TBC1D22A: variants seen among roughly 807,000 people sequenced by gnomAD.
TBC1D22A encodes putative GTPase activator.
TBC1D22A carries 38 observed loss-of-function variants against 60.2 expected under a neutral mutation model. That is an observed-to-expected ratio of 0.63 (90% CI 0.49 to 0.83). The LOEUF is 0.83. Ranked by LOEUF, TBC1D22A falls within the 40% of genes least tolerant of loss-of-function variation. The pLI is 0.00. For synonymous variants in TBC1D22A, 302 were observed against 281.7 expected (o/e 1.07, Z -0.72); for missense variants, 628 against 701.0 (o/e 0.90, Z 1.18).
At chr22:46,906,785 G>T (rs1308370276) in intron 7 of TBC1D22A, among the ~76,000 whole-genome samples, 1 of 147,210 alleles carries the variant, frequency 6.8e-6, no homozygotes, top group Non-Finnish European at 1.5e-5. Context: ...TGAACTGTGT[G>T]TGTGTGTGTG....
At chr22:47,166,725 G>C (rs1265072763) in intron 12 of TBC1D22A, among the ~76,000 whole-genome samples, 4 of 152,264 alleles carry the variant, frequency 2.6e-5, no homozygotes, top group Non-Finnish European at 5.9e-5. Context: ...GTGGGGCCCG[G>C]CATGAGGCAG....
At chr22:46,856,914 A>T (rs2087599580) in intron 4 of TBC1D22A, among the ~76,000 whole-genome samples, 2 of 152,362 alleles carry the variant, frequency 1.3e-5, no homozygotes, top group South Asian at 4.1e-4. Flanking sequence ...ACTGGCTCAG[A>T]GGGTGCAAGC....
At chr22:46,875,118 C>T (rs1015285320) in intron 4 of TBC1D22A, among the ~76,000 whole-genome samples, 26 of 152,122 alleles carry the variant, frequency 1.7e-4, no homozygotes, top group African/African-American at 6.0e-4. Context: ...GAGCGTTCAT[C>T]GCAGCCTATT....
At chr22:46,877,447 A>G (rs2067619078) in intron 4 of TBC1D22A, among the ~76,000 whole-genome samples, 1 of 152,202 alleles carries the variant, frequency 6.6e-6, no homozygotes, top group Admixed American at 6.5e-5. Flanking sequence ...CGAGGGAGAG[A>G]CACTGGGAAC....
intron 4 of TBC1D22A, among the ~76,000 whole-genome samples, chr22:46,844,791 C>T (rs1435240806): frequency 1.3e-5 from 2 of 152,160 alleles, no homozygotes; most frequent in South Asian, 2.1e-4. Context: ...CTGGCCTGGA[C>T]GTCTGAGCGG....
intron 8 of TBC1D22A, among the ~76,000 whole-genome samples, chr22:46,943,217 G>A (rs904610104): frequency 2.0e-5 from 3 of 152,090 alleles, no homozygotes; most frequent in African/African-American, 7.2e-5. Flanking sequence ...CAGCCTCCCC[G>A]CGGCATCCAT....
At chr22:46,907,585 C>T (rs1346074536) in intron 7 of TBC1D22A, among the ~76,000 whole-genome samples, 6 of 152,144 alleles carry the variant, frequency 3.9e-5, no homozygotes, top group Non-Finnish European at 7.4e-5. Context: ...GCGCCATCCT[C>T]GCCTCCACCG....
intron 4 of TBC1D22A, among the ~76,000 whole-genome samples, chr22:46,820,959 C>A (rs2085800909): frequency 6.6e-6 from 1 of 151,450 alleles, no homozygotes; most frequent in African/African-American, 2.4e-5. Context: ...TTGTTGAATT[C>A]TTCCCTTTAT....
intron 1 of TBC1D22A, among the ~76,000 whole-genome samples, chr22:46,766,090 C>CG (rs1029561248): frequency 6.6e-6 from 1 of 151,882 alleles, no homozygotes; most frequent in Non-Finnish European, 1.5e-5. Context: ...CTCCGCCTCC[C>CG]GGGTTCACGC....
chr22:46,815,299 G>A (rs942095309), intron 4 of TBC1D22A, among the ~76,000 whole-genome samples: 2 of 152,310 alleles, frequency 1.3e-5, no homozygotes, highest in African/African-American at 4.8e-5. Context: ...TGTCTTGCTT[G>A]TCCCTGCGGT....
intron 4 of TBC1D22A, among the ~76,000 whole-genome samples, chr22:46,843,039 G>A (rs1004429903): frequency 2.0e-5 from 3 of 152,212 alleles, no homozygotes; most frequent in Admixed American, 6.5e-5. Context: ...CACACTGTGC[G>A]TACCTGAGGC....
At chr22:46,933,716 G>A (rs564907157) in intron 8 of TBC1D22A, among the ~76,000 whole-genome samples, 7 of 152,238 alleles carry the variant, frequency 4.6e-5, no homozygotes, top group Non-Finnish European at 8.8e-5. Context: ...TGCCCGGGGC[G>A]GGTGTTGACT....
chr22:46,966,038 A>C (rs1168613288), intron 8 of TBC1D22A, among the ~76,000 whole-genome samples: 1 of 152,010 alleles, frequency 6.6e-6, no homozygotes, highest in African/African-American at 2.4e-5. Flanking sequence ...TACCACTCTA[A>C]CAAACAGCTG....
Position 47,076,359 on chromosome 22 carries a change from GTGTA to G in TBC1D22A, c.1330-35147_1330-35144del, listed in dbSNP as rs1195671575. The stretch of plus-strand genomic sequence containing the variant: ...TGTGTGTGTATATATATATATGTGT[GTGTA>G]TATATATATATATATATACACACAC... On this transcript the variant is annotated intron_variant, in intron 11 of 12. Transcript: ENST00000337137. Among the ~76,000 whole-genome samples the G allele has an allele frequency of 8.2e-3, 698 of 85,106 alleles. 6 individuals are homozygous for G. Among genetic ancestry groups the G allele is most frequent in the African/African-American group, 0.024 (568 of 23,244 alleles). 55.8% of individuals were successfully genotyped at this position (85,106 alleles called of 152,430 possible).
At chr22:46,819,059 C>T (rs1419113525) in intron 4 of TBC1D22A, among the ~76,000 whole-genome samples, 1 of 152,146 alleles carries the variant, frequency 6.6e-6, no homozygotes, top group African/African-American at 2.4e-5. Flanking sequence ...TAAAGGAATA[C>T]TTGTGATTTT....
At chr22:47,021,534 C>T (rs575375029) in intron 10 of TBC1D22A, among the ~76,000 whole-genome samples, 24 of 151,054 alleles carry the variant, frequency 1.6e-4, no homozygotes, top group Non-Finnish European at 2.8e-4. Context: ...AGAACCCCAC[C>T]TGTCACCTGG....
intron 12 of TBC1D22A, chr22:47,116,223 G>A (rs1490477784): frequency 6.6e-6 from 1 of 152,292 alleles, no homozygotes; most frequent in African/African-American, 2.4e-5. Flanking sequence ...TGTGAGGCTG[G>A]AAGCTCCACC....
chr22:46,942,773 A>G (rs1244555942), intron 8 of TBC1D22A, among the ~76,000 whole-genome samples: 1 of 152,218 alleles, frequency 6.6e-6, no homozygotes, highest in Non-Finnish European at 1.5e-5. Context: ...TTGCTGTTCT[A>G]AATAGACCTG....
At chr22:46,945,861 G>A (rs1408312151) in intron 8 of TBC1D22A, among the ~76,000 whole-genome samples, 5 of 152,154 alleles carry the variant, frequency 3.3e-5, no homozygotes, top group Non-Finnish European at 7.4e-5. Flanking sequence ...AAAATAAATG[G>A]CAGTGAGCTT....
Sources: allele counts gnomAD v4.1 joint callset (sites outside exome capture counted in the v4.1 genomes callset), GRCh38; gene constraint gnomAD v4.1.1; transcripts MANE v1.5; gene names NCBI Gene and HGNC (gene_info 2026-07-23, HGNC 2026-07-21).